The following YAP1 variants were observed in gnomAD, a reference collection of about 807,000 sequenced individuals.
The protein encoded by YAP1 is transcriptional coactivator YAP1.
Under a neutral mutation model 56.9 loss-of-function variants are expected in YAP1, and 5 were observed. The observed-to-expected ratio is 0.09, with a 90% CI of 0.05 to 0.18. The LOEUF is 0.18. YAP1 is among the 10% of genes least tolerant of loss of function. YAP1 has a pLI of 1.00. For missense variants in YAP1, 539 were observed against 651.8 expected (o/e 0.83, Z 1.88); for synonymous variants, 265 against 248.1 (o/e 1.07, Z -0.64).
At chr11:102,163,433 A>G (rs528428716) in intron 3 of YAP1, among the ~76,000 whole-genome samples, 1 of 152,234 alleles carries the variant, frequency 6.6e-6, no homozygotes, top group Non-Finnish European at 1.5e-5. Context: ...ACCTTTGTAC[A>G]TATTAGGAAA....
chr11:102,166,101 G>A (rs539519393), intron 3 of YAP1, among the ~76,000 whole-genome samples: 97 of 152,258 alleles, frequency 6.4e-4, no homozygotes, highest in African/African-American at 2.0e-3. Flanking sequence ...TAAAACATCC[G>A]CAACACATCG....
At chr11:102,135,866 C>G (rs191199363) in intron 2 of YAP1, among the ~76,000 whole-genome samples, 1 of 152,134 alleles carries the variant, frequency 6.6e-6, no homozygotes, top group African/African-American at 2.4e-5. Flanking sequence ...TTGTGGGACT[C>G]GTGAATGTTA....
intron 2 of YAP1, among the ~76,000 whole-genome samples, chr11:102,150,581 T>G (rs1945580698): frequency 6.6e-6 from 1 of 152,156 alleles, no homozygotes; most frequent in East Asian, 1.9e-4. Flanking sequence ...CATCCTCGAG[T>G]GTAGGGATTC....
intron 3 of YAP1, among the ~76,000 whole-genome samples, chr11:102,165,891 G>C (rs1946576576): frequency 6.6e-6 from 1 of 152,102 alleles, no homozygotes; most frequent in Non-Finnish European, 1.5e-5. Context: ...GATAATATTG[G>C]GGAACTGCTT....
At chr11:102,142,397 G>T (rs540253437) in intron 2 of YAP1, among the ~76,000 whole-genome samples, 1 of 152,292 alleles carries the variant, frequency 6.6e-6, no homozygotes, top group South Asian at 2.1e-4. Flanking sequence ...TTTATTATCT[G>T]TCAAACTGTG....
intron 2 of YAP1, among the ~76,000 whole-genome samples, chr11:102,148,622 A>C (rs1272213258): frequency 1.3e-5 from 2 of 152,206 alleles, no homozygotes; most frequent in African/African-American, 4.8e-5. Flanking sequence ...TAGAATCATT[A>C]TAAAGTATTT....
chr11:102,193,995 C>T (rs914688383), intron 4 of YAP1, among the ~76,000 whole-genome samples: 6 of 151,974 alleles, frequency 3.9e-5, no homozygotes, highest in Non-Finnish European at 5.9e-5. Context: ...TTAGTAGAGA[C>T]AGGGTTTCAC....
chr11:102,163,373 G>C (rs1163346856), intron 3 of YAP1, among the ~76,000 whole-genome samples: 1 of 152,116 alleles, frequency 6.6e-6, no homozygotes, highest in Non-Finnish European at 1.5e-5. Context: ...ACTGTCTGGC[G>C]TCTTTCTCCT....
intron 2 of YAP1, among the ~76,000 whole-genome samples, chr11:102,159,400 A>G (rs1946139635): frequency 6.6e-6 from 1 of 152,134 alleles, no homozygotes; most frequent in African/African-American, 2.4e-5. Context: ...CATTTTTATC[A>G]TTTCTGTTCC....
At chr11:102,179,215 T>C (rs4754041) in intron 3 of YAP1, among the ~76,000 whole-genome samples, 86,069 of 151,950 alleles carry the variant, frequency 0.57, 25,611 homozygotes, top group South Asian at 0.73. Flanking sequence ...GGGCCTACTT[T>C]TAATCTTTTC....
At chr11:102,218,798 A>G (rs1445669721) in intron 6 of YAP1, among the ~76,000 whole-genome samples, 1 of 152,178 alleles carries the variant, frequency 6.6e-6, no homozygotes, top group East Asian at 1.9e-4. Context: ...TTCTTTATAA[A>G]TCTGCATAGT....
At chr11:102,111,812 T>C (rs1942941621) in intron 1 of YAP1, among the ~76,000 whole-genome samples, 1 of 152,156 alleles carries the variant, frequency 6.6e-6, no homozygotes, top group South Asian at 2.1e-4. Context: ...TGCTCTTTCT[T>C]TCCTTCCCCC....
At chr11:102,115,512 A>G (rs1010760253) in intron 2 of YAP1, among the ~76,000 whole-genome samples, 2 of 152,166 alleles carry the variant, frequency 1.3e-5, no homozygotes, top group African/African-American at 4.8e-5. Context: ...ACAGACTTAC[A>G]GAAGAGCAAA....
At chr11:102,198,853 G>A (rs1390631164) in intron 4 of YAP1, among the ~76,000 whole-genome samples, 4 of 152,030 alleles carry the variant, frequency 2.6e-5, no homozygotes, top group South Asian at 4.2e-4. Flanking sequence ...ATGTTTCACC[G>A]AAAGAGAAGG....
At chr11:102,131,360 C>T (rs1020373934) in intron 2 of YAP1, among the ~76,000 whole-genome samples, 1 of 152,186 alleles carries the variant, frequency 6.6e-6, no homozygotes, top group East Asian at 1.9e-4. Flanking sequence ...GGATCCCACT[C>T]TGTGTAATAG....
At chr11:102,150,078 G>T (rs2135341355) in intron 2 of YAP1, among the ~76,000 whole-genome samples, 1 of 143,640 alleles carries the variant, frequency 7.0e-6, no homozygotes, top group Non-Finnish European at 1.5e-5. Context: ...TCCGTCTAGT[G>T]GATTCAAGCG....
chr11:102,207,304 T>G (rs1001281791), intron 5 of YAP1, among the ~76,000 whole-genome samples: 4 of 152,142 alleles, frequency 2.6e-5, no homozygotes, highest in Non-Finnish European at 5.9e-5. Context: ...TGTTAATTTT[T>G]CCAGAGATAC....
At chr11:102,223,828 A>G in intron 7 of YAP1, 76 bp downstream of exon 7, 2 of 1,572,026 alleles carry the variant, frequency 1.3e-6, no homozygotes, top group Non-Finnish European at 1.7e-6. Flanking sequence ...TGCTTGTAAT[A>G]GGCTATTTGG....
intron 2 of YAP1, among the ~76,000 whole-genome samples, chr11:102,126,326 CCCA>C (rs1944032999): frequency 6.6e-6 from 1 of 152,130 alleles, no homozygotes; most frequent in Non-Finnish European, 1.5e-5. Context: ...TGGCTGTGTT[CCCA>C]CTGAAATCTC....
Sources: gnomAD v4.1 joint callset for allele counts (sites outside exome capture counted in the v4.1 genomes callset) on GRCh38, gnomAD v4.1.1 for gene constraint, MANE v1.5 for transcripts, NCBI Gene and HGNC (gene_info 2026-07-23, HGNC 2026-07-21) for gene names.